The following OXR1 variants were observed in gnomAD, a reference collection of about 807,000 sequenced individuals.
OXR1 encodes oxidation resistance 1.
A neutral mutation model predicts 104.6 loss-of-function variants in OXR1; 41 were observed. The ratio of observed to expected loss-of-function variants is 0.39; its 90% confidence interval spans 0.31 to 0.51. The LOEUF is 0.51. Ranked by LOEUF, OXR1 falls within the 20% of genes least tolerant of loss-of-function variation. The probability of loss-of-function intolerance (pLI) is 0.77; values close to 1 mark genes in which losing one functional copy is unlikely to be tolerated. For missense variants in OXR1, 955 were observed against 1,031.9 expected, an observed-to-expected ratio of 0.93 and a Z score of 1.02; for synonymous variants, 348 against 348.4, an observed-to-expected ratio of 1.00 and a Z score of 0.01.
chr8:106,313,121 C>T (rs1403677410), intron 1 of OXR1, among the ~76,000 whole-genome samples: 1 of 151,504 alleles, frequency 6.6e-6, no homozygotes, highest in Non-Finnish European at 1.5e-5. Context: ...TTTTTTTAAT[C>T]CTAATACTCT....
At chr8:106,326,913 A>G (rs10092617) in intron 1 of OXR1, among the ~76,000 whole-genome samples, 47,928 of 152,034 alleles carry the variant, frequency 0.32, 10,079 homozygotes, top group African/African-American at 0.6. Flanking sequence ...TATTTAGAAA[A>G]TAGTGCATTT....
intron 3 of OXR1, among the ~76,000 whole-genome samples, chr8:106,537,037 G>A (rs891662993): frequency 2.0e-5 from 3 of 152,090 alleles, no homozygotes; most frequent in Admixed American, 6.5e-5. Context: ...TCCAAAAATA[G>A]ATGCTGGCAG....
chr8:106,401,768 A>G (rs961474697), intron 2 of OXR1, among the ~76,000 whole-genome samples: 16 of 152,262 alleles, frequency 1.1e-4, no homozygotes, highest in African/African-American at 2.9e-4. Context: ...AATTTTTGTC[A>G]GTTTTATTTC....
At chr8:106,457,405 AT>A (rs1006196765) in intron 2 of OXR1, among the ~76,000 whole-genome samples, 5 of 152,164 alleles carry the variant, frequency 3.3e-5, no homozygotes, top group Admixed American at 6.5e-5. Flanking sequence ...AAATAAATGT[AT>A]TTCCTCTTTA....
chr8:106,669,047 G>A (rs887638525), intron 3 of OXR1, among the ~76,000 whole-genome samples: 1 of 152,122 alleles, frequency 6.6e-6, no homozygotes, highest in Admixed American at 6.6e-5. Flanking sequence ...TTTTCACTTA[G>A]AAGAGAGCCA....
At chr8:106,558,912 C>A (rs746729663) in intron 3 of OXR1, among the ~76,000 whole-genome samples, 1 of 152,166 alleles carries the variant, frequency 6.6e-6, no homozygotes, top group Admixed American at 6.5e-5. Flanking sequence ...ATACATACTT[C>A]TTGGAAATAG....
intron 1 of OXR1, among the ~76,000 whole-genome samples, chr8:106,294,416 G>GA (rs1812899209): frequency 9.0e-6 from 1 of 110,878 alleles, no homozygotes; most frequent in Non-Finnish European, 1.8e-5. Flanking sequence ...AAAAAAAAAA[G>GA]AAAGAAAGAA....
Position 106,740,282 on chromosome 8 carries a change from T to C in OXR1, c.2164-61T>C, listed in dbSNP as rs1834810530. 5 of 1,311,464 alleles carry C rather than the reference T, an allele frequency of 3.8e-6. No individual in the cohort carries two copies. The Admixed American group carries it at 6.3e-5, about 17-fold the overall frequency. The allele number at this position is 1,311,464 out of a possible 1,614,324, so 81.2% of individuals were successfully genotyped here. ...GGCACCATTACATTCCAGCTGGCAT[T>C]AGTATTCTACATAATGAACAACAAG... is the stretch of plus-strand genomic sequence containing the variant. On this transcript the variant is annotated intron_variant, in intron 13 of 16. Coordinates refer to ENST00000517566, the MANE Select transcript of OXR1 (RefSeq NM_001198533.2).
intron 1 of OXR1, among the ~76,000 whole-genome samples, chr8:106,313,818 A>G (rs558665007): frequency 6.6e-6 from 1 of 152,322 alleles, no homozygotes; most frequent in East Asian, 1.9e-4. Context: ...CACACTCAAC[A>G]TTGAATTAGT....
intron 11 of OXR1, among the ~76,000 whole-genome samples, chr8:106,719,315 G>T (rs978699062): frequency 6.6e-6 from 1 of 152,156 alleles, no homozygotes; most frequent in African/African-American, 2.4e-5. Context: ...CTGCTATTTC[G>T]TGATGATCGC....
At chr8:106,667,740 T>C (rs953874052) in intron 3 of OXR1, among the ~76,000 whole-genome samples, 3 of 152,166 alleles carry the variant, frequency 2.0e-5, no homozygotes, top group African/African-American at 7.2e-5. Flanking sequence ...ATAAGTCATA[T>C]GTTGCAAATA....
intron 2 of OXR1, among the ~76,000 whole-genome samples, chr8:106,451,718 A>T (rs1355225852): frequency 1.3e-5 from 2 of 152,242 alleles, no homozygotes; most frequent in East Asian, 3.8e-4. Flanking sequence ...GAGATTAGCA[A>T]TAGAAGTTTT....
intron 2 of OXR1, among the ~76,000 whole-genome samples, chr8:106,495,741 C>G (rs1286666283): frequency 1.3e-5 from 2 of 152,110 alleles, no homozygotes; most frequent in Non-Finnish European, 2.9e-5. Context: ...GCACCACAAT[C>G]CCCTTCAGCA....
intron 1 of OXR1, among the ~76,000 whole-genome samples, chr8:106,292,913 G>T (rs1238818330): frequency 1.3e-5 from 2 of 152,234 alleles, no homozygotes; most frequent in Non-Finnish European, 2.9e-5. Flanking sequence ...CTTCGCCCTG[G>T]TTGCCAAGGG....
intron 2 of OXR1, among the ~76,000 whole-genome samples, chr8:106,376,676 A>T (rs1816918544): frequency 6.6e-6 from 1 of 152,228 alleles, no homozygotes; most frequent in African/African-American, 2.4e-5. Flanking sequence ...GATGTCACTA[A>T]TTGATAAAAT....
chr8:106,274,207 A>T lies in OXR1; in HGVS notation c.-139+3840A>T, dbSNP rs1811933314. Among the ~76,000 whole-genome samples, 3 of 152,220 alleles carry T rather than the reference A, an allele frequency of 2.0e-5. No individual in the cohort carries two copies. In the South Asian group the frequency reaches 6.2e-4, roughly 32 times the overall value. ...GACAGCATGGAGCGTATTGAGAAGC[A>T]TCAAGCCTTTCGATTCCGTAGCACA... On this transcript the variant is annotated intron_variant, in intron 1 of 16. Transcript: ENST00000517566.
At chr8:106,306,375 C>G (rs181344104) in intron 1 of OXR1, among the ~76,000 whole-genome samples, 101 of 152,124 alleles carry the variant, frequency 6.6e-4, no homozygotes, top group Non-Finnish European at 1.1e-3. Context: ...TACACTTAAC[C>G]TGTGACTAGA....
intron 3 of OXR1, among the ~76,000 whole-genome samples, chr8:106,528,982 T>C (rs776174188): frequency 2.0e-5 from 3 of 152,238 alleles, no homozygotes; most frequent in Non-Finnish European, 4.4e-5. Flanking sequence ...TTTGACAGTT[T>C]GATGGCTTTT....
intron 1 of OXR1, among the ~76,000 whole-genome samples, chr8:106,344,313 C>A (rs1325398757): frequency 6.8e-6 from 1 of 147,866 alleles, no homozygotes; most frequent in Non-Finnish European, 1.5e-5. Flanking sequence ...TAGCTAGCCA[C>A]CGTTTTTTGT....
Sources: allele counts gnomAD v4.1 joint callset (sites outside exome capture counted in the v4.1 genomes callset), GRCh38; gene constraint gnomAD v4.1.1; transcripts MANE v1.5; gene names NCBI Gene and HGNC (gene_info 2026-07-23, HGNC 2026-07-21).